Variants in CSMD2 observed in about 807,000 individuals in gnomAD.
CSMD2 encodes the protein CUB and sushi domain-containing protein 2.
In CSMD2, 130 loss-of-function variants were observed where a neutral mutation model predicts 398.5. The ratio of observed to expected loss-of-function variants is 0.33; its 90% CI spans 0.28 to 0.38. The LOEUF (loss-of-function observed/expected upper bound fraction) is 0.38, where lower values mean the gene tolerates loss of function less well. Ranked by LOEUF, CSMD2 falls within the 10% of genes least tolerant of loss-of-function variation. The pLI, the probability that CSMD2 is intolerant of heterozygous loss-of-function variation, is 1.00. For missense variants in CSMD2, 3,829 were observed against 4,764.9 expected (o/e 0.80, Z 5.78); for synonymous variants, 1,828 against 1,908.5 (o/e 0.96, Z 1.10).
chr1:34,034,692 T>C (rs558137064), intron 2 of CSMD2, among the ~76,000 whole-genome samples: 3 of 152,322 alleles, frequency 2.0e-5, no homozygotes, highest in African/African-American at 7.2e-5. Context: ...TGACTTGGTT[T>C]TCTATCTCTT....
chr1:33,928,231 G>A (rs1421718462), intron 4 of CSMD2, among the ~76,000 whole-genome samples: 1 of 152,206 alleles, frequency 6.6e-6, no homozygotes, highest in East Asian at 1.9e-4. Context: ...CCACTCTCAA[G>A]CTGTGTAATC....
chr1:34,088,846 G>C (rs1658223296), intron 2 of CSMD2, 131 bp downstream of exon 2: 4 of 747,206 alleles, frequency 5.4e-6, no homozygotes, highest in Non-Finnish European at 9.2e-6. Context: ...CAGAGGGGTT[G>C]AGGGAGGACA....
chr1:34,051,419 G>A (rs1653158702), intron 2 of CSMD2, among the ~76,000 whole-genome samples: 3 of 152,098 alleles, frequency 2.0e-5, no homozygotes, highest in Non-Finnish European at 4.4e-5. Context: ...ATTTTGTTAT[G>A]AGTGTTTGCA....
At chr1:33,572,409 C>G (rs1204469627) in intron 50 of CSMD2, 97 bp downstream of exon 50, 2 of 1,056,208 alleles carry the variant, frequency 1.9e-6, no homozygotes, top group Non-Finnish European at 2.6e-6. Context: ...TTTTTTTTCC[C>G]CCTCATTACT....
At chr1:33,554,160 A>G (rs1657733463) in intron 55 of CSMD2, among the ~76,000 whole-genome samples, 1 of 150,938 alleles carries the variant, frequency 6.6e-6, no homozygotes, top group South Asian at 2.1e-4. Context: ...TCTAAACAAC[A>G]GATTTTAAAG....
chr1:33,663,076 A>G lies in CSMD2; in HGVS notation c.4069T>C (p.Phe1357Leu), dbSNP rs917598292. Residue 1357 changes from phenylalanine (F) to leucine (L), a missense_variant, in exon 26 of 71, where the codon TTT (phenylalanine) becomes CTT (leucine). By Grantham distance (22) the Phe-to-Leu change is conservative (BLOSUM62 0). Around this residue, in one of 5 missense-constraint regions of CSMD2, gnomAD observed 2,001 missense variants for 2,567.1 expected, o/e 0.78. Coordinates refer to ENST00000373381, the MANE Select transcript of CSMD2 (RefSeq NM_001281956.2). Reference protein sequence around the residue: ...GCTIGLHFLVFDTEEVHDVLR... With the variant: ...GCTIGLHFLVLDTEEVHDVLR... ...ACGTCGTGAACCTCCTCTGTGTCAA[A>G]CACCAGGAAGTGTAGCCTGCACGGA... 4 of 1,613,990 alleles carry G rather than the reference A, an allele frequency of 2.5e-6. No individual in the cohort carries two copies. Among genetic ancestry groups the G allele is most frequent in the Non-Finnish European group, 3.4e-6 (4 of 1,179,886 alleles).
chr1:33,742,580 C>CGCT (rs60545889), intron 14 of CSMD2, among the ~76,000 whole-genome samples: 10 of 111,172 alleles, frequency 9.0e-5, no homozygotes, highest in South Asian at 3.5e-4. Flanking sequence ...AGCTTCTGCC[C>CGCT]CCCCCCCCCC....
chr1:33,694,565 TTC>T (rs1246703614), intron 24 of CSMD2, among the ~76,000 whole-genome samples: 2 of 152,174 alleles, frequency 1.3e-5, no homozygotes, highest in African/African-American at 2.4e-5. Context: ...TCTCTCACTT[TTC>T]TCTCTCCTGC....
intron 7 of CSMD2, among the ~76,000 whole-genome samples, chr1:33,820,970 G>T (rs1333053545): frequency 6.6e-6 from 1 of 152,194 alleles, no homozygotes; most frequent in African/African-American, 2.4e-5. Flanking sequence ...CCCAGATGGA[G>T]AAATGACTCA....
At chr1:34,132,297 T>C (rs1162625865) in intron 1 of CSMD2, among the ~76,000 whole-genome samples, 1 of 151,970 alleles carries the variant, frequency 6.6e-6, no homozygotes, top group Non-Finnish European at 1.5e-5. Flanking sequence ...CCCGATTCAC[T>C]CTTACCATGT....
Position 33,587,104 on chromosome 1 carries a change from A to G in CSMD2, c.6921T>C (p.Asn2307=), listed in dbSNP as rs1639135950. ...AGGTGGTACCTATATTGAATTCTTCATTCTCTGTGACGACTTCGGCGTTGG... is the reference window on the plus strand; with the variant it reads ...AGGTGGTACCTATATTGAATTCTTCGTTCTCTGTGACGACTTCGGCGTTGG... ...ILPNAEVVTE[N]EEFNIGDIVR... Residue 2307 remains asparagine, a synonymous_variant, in exon 45 of 71, where the codon AAT becomes AAC. Coordinates refer to ENST00000373381, the MANE Select transcript of CSMD2 (RefSeq NM_001281956.2). 2.5e-6 allele frequency: 4 copies of G among 1,607,094 alleles called. No homozygotes were observed. In the Admixed American group the frequency reaches 6.8e-5, roughly 27 times the overall value.
At chr1:33,864,585 T>C (rs771844556) in intron 5 of CSMD2, 1 of 1,613,984 alleles carries the variant, frequency 6.2e-7, no homozygotes, top group South Asian at 1.1e-5. Context: ...GAAGATGTGG[T>C]CAACAGCGAC....
At chr1:33,646,571 T>G in intron 29 of CSMD2, 77 bp downstream of exon 29, 1 of 1,496,778 alleles carries the variant, frequency 6.7e-7, no homozygotes, top group Non-Finnish European at 9.2e-7. Flanking sequence ...AGGGCTCTCC[T>G]CACTACGCTA....
At chr1:33,666,104 T>C (rs1270119566) in intron 25 of CSMD2, among the ~76,000 whole-genome samples, 1 of 152,202 alleles carries the variant, frequency 6.6e-6, no homozygotes, top group Admixed American at 6.5e-5. Context: ...TGATCTCTCC[T>C]TTCCCTATAC....
intron 16 of CSMD2, 31 bp downstream of exon 16, chr1:33,726,516 C>A: frequency 4.4e-6 from 7 of 1,587,252 alleles, no homozygotes; most frequent in Non-Finnish European, 3.4e-6. Context: ...CTCCCCCTTG[C>A]CCTCTCCCCC....
At chr1:33,657,915 G>T in intron 27 of CSMD2, 31 bp downstream of exon 27, 4 of 1,585,256 alleles carry the variant, frequency 2.5e-6, no homozygotes, top group Non-Finnish European at 3.5e-6. Flanking sequence ...TGAGCCCCAA[G>T]AGCAGAGTGC....
intron 5 of CSMD2, among the ~76,000 whole-genome samples, chr1:33,889,781 G>C (rs1641860755): frequency 6.6e-6 from 1 of 151,424 alleles, no homozygotes; most frequent in Non-Finnish European, 1.5e-5. Flanking sequence ...GTGTGTGTGT[G>C]TGTGCATGCG....
At chr1:33,960,284 T>C (rs990791740) in intron 3 of CSMD2, among the ~76,000 whole-genome samples, 1 of 152,146 alleles carries the variant, frequency 6.6e-6, no homozygotes, top group Admixed American at 6.5e-5. Flanking sequence ...CTGGAAACTG[T>C]CTTTCATTTG....
At chr1:33,610,602 G>A (rs1640930660) in intron 41 of CSMD2, among the ~76,000 whole-genome samples, 2 of 152,194 alleles carry the variant, frequency 1.3e-5, no homozygotes, top group Admixed American at 6.5e-5. Context: ...GCTTAGAGGT[G>A]CCCTTGGGAC....
Sources: gnomAD v4.1 joint callset for allele counts (sites outside exome capture counted in the v4.1 genomes callset) on GRCh38, gnomAD v4.1.1 for gene constraint, gnomAD v4.1.1 regional missense constraint, MANE v1.5 for transcripts, NCBI Gene and HGNC (gene_info 2026-07-23, HGNC 2026-07-21) for gene names.